The following MMP16 variants were observed in gnomAD, a reference collection of about 807,000 sequenced individuals.
MMP16 encodes the protein matrix metalloproteinase-16.
A neutral mutation model predicts 67.8 loss-of-function variants in MMP16; 12 were observed. The observed-to-expected ratio is 0.18, with a 90% CI of 0.11 to 0.29. The LOEUF is 0.29. MMP16 is among the 10% of genes least tolerant of loss of function. The pLI is 1.00. For synonymous variants in MMP16, 249 were observed against 255.9 expected (o/e 0.97, Z 0.26); for missense variants, 475 against 765.7 (o/e 0.62, Z 4.48).
chr8:88,168,035 TGATC>T, intron 3 of MMP16, 62 bp from the exon 4 acceptor site: 1 of 1,302,188 alleles, frequency 7.7e-7, no homozygotes, highest in Non-Finnish European at 1.1e-6. Flanking sequence ...GTACAGGTTT[TGATC>T]GATTCAGTTA....
chr8:88,071,201 G>A (rs1808547686), intron 7 of MMP16, among the ~76,000 whole-genome samples: 1 of 151,846 alleles, frequency 6.6e-6, no homozygotes, highest in Non-Finnish European at 1.5e-5. Flanking sequence ...ATTTATAAAA[G>A]TTTGAATAAA....
rs115813139 is a variant in MMP16 at position 88,163,892 on chromosome 8, A to G, written c.709+3777T>C. Among the ~76,000 whole-genome samples, 570 of 152,254 alleles carry G rather than the reference A, an allele frequency of 3.7e-3. 6 individuals carry two copies. Among genetic ancestry groups the G allele is most frequent in the African/African-American group, 0.012 (499 of 41,572 alleles). ...AACTGTTTTGCTGATTCATTCCACA[A>G]AAATAAAAACTCTTAAAAAAGGCAT... On this transcript the variant is annotated intron_variant, in intron 4 of 9. Transcript: ENST00000286614.
rs115384159 is a variant in MMP16 at position 88,148,474 on chromosome 8, T to G, written c.709+19195A>C. On this transcript the variant is annotated intron_variant, in intron 4 of 9. Coordinates refer to ENST00000286614, the MANE Select transcript of MMP16 (RefSeq NM_005941.5). ...GTATGTTTCCTCTAGAGGATACATA[T>G]TTGCTTATGCAGGGAGCTGTGTATG... Among the ~76,000 whole-genome samples, 1,050 of 152,278 alleles carry G rather than the reference T, an allele frequency of 6.9e-3. 5 individuals are homozygous for G. The highest frequency in any genetic ancestry group is 0.023 in the African/African-American group (957 of 41,572).
At chr8:88,124,697 T>G (rs1454648841) in intron 4 of MMP16, among the ~76,000 whole-genome samples, 1 of 151,934 alleles carries the variant, frequency 6.6e-6, no homozygotes, top group Non-Finnish European at 1.5e-5. Context: ...ATTTTAAAAC[T>G]TAGGAAGTGT....
At chr8:88,150,799 A>C (rs1808391962) in intron 4 of MMP16, among the ~76,000 whole-genome samples, 1 of 151,540 alleles carries the variant, frequency 6.6e-6, no homozygotes, top group Non-Finnish European at 1.5e-5. Context: ...AAGAAACTGC[A>C]TCAACTAACG....
intron 1 of MMP16, among the ~76,000 whole-genome samples, chr8:88,198,141 A>G (rs778020303): frequency 2.6e-5 from 4 of 152,212 alleles, no homozygotes; most frequent in Non-Finnish European, 5.9e-5. Context: ...GTTAAATTTT[A>G]AAAGTTAATA....
intron 3 of MMP16, among the ~76,000 whole-genome samples, chr8:88,170,913 G>A (rs1455744750): frequency 6.6e-6 from 1 of 152,194 alleles, no homozygotes; most frequent in Non-Finnish European, 1.5e-5. Context: ...AGAAGATAGA[G>A]ACTAGGACTT....
chr8:88,319,186 T>C (rs1041419497), intron 1 of MMP16, among the ~76,000 whole-genome samples: 1 of 152,166 alleles, frequency 6.6e-6, no homozygotes, highest in Non-Finnish European at 1.5e-5. Flanking sequence ...GTAGCACTAC[T>C]GTAATACAAG....
At chr8:88,243,057 A>C (rs1810057099) in intron 1 of MMP16, among the ~76,000 whole-genome samples, 1 of 152,192 alleles carries the variant, frequency 6.6e-6, no homozygotes, top group Admixed American at 6.5e-5. Context: ...ATATACTTGC[A>C]AGAATGTTTT....
At chr8:88,311,467 T>C (rs1015845155) in intron 1 of MMP16, among the ~76,000 whole-genome samples, 2 of 152,174 alleles carry the variant, frequency 1.3e-5, no homozygotes, top group East Asian at 1.9e-4. Flanking sequence ...CATAAGGAGA[T>C]AGGAGATATG....
At chr8:88,120,291 T>C (rs1210877984) in intron 4 of MMP16, among the ~76,000 whole-genome samples, 2 of 151,962 alleles carry the variant, frequency 1.3e-5, no homozygotes, top group Non-Finnish European at 2.9e-5. Context: ...GGATTGTGCC[T>C]TAGGGGGCAC....
intron 4 of MMP16, among the ~76,000 whole-genome samples, chr8:88,136,883 C>A (rs1028612444): frequency 6.6e-6 from 1 of 151,666 alleles, no homozygotes; most frequent in Non-Finnish European, 1.5e-5. Context: ...CACTCCCCAC[C>A]CCCTACTAAA....
intron 4 of MMP16, among the ~76,000 whole-genome samples, chr8:88,166,273 C>T (rs1184645632): frequency 2.0e-5 from 3 of 151,912 alleles, no homozygotes; most frequent in African/African-American, 7.2e-5. Flanking sequence ...AAGAAATGTA[C>T]ACTTATAGTT....
In MMP16 at chr8:88,179,920, A is replaced by C. The variant is rs544908797; in HGVS notation, c.404+6556T>G. 3.2e-3 allele frequency among the ~76,000 whole-genome samples: 486 copies of C among 152,310 alleles called. 3 individuals carry two copies. Among genetic ancestry groups the C allele is most frequent in the African/African-American group, 0.011 (463 of 41,562 alleles). ...GGGAAGACAAAAACAAGTACAAAAA[A>C]CCAATAACAACAGCAAATAGTTATA... On this transcript the variant is annotated intron_variant, in intron 3 of 9. Transcript: ENST00000286614.
At chr8:88,078,533 A>T (rs143354971) in intron 6 of MMP16, among the ~76,000 whole-genome samples, 1 of 152,178 alleles carries the variant, frequency 6.6e-6, no homozygotes, top group Non-Finnish European at 1.5e-5. Context: ...ATCTACTATC[A>T]GTAGAAATTG....
intron 1 of MMP16, among the ~76,000 whole-genome samples, chr8:88,210,946 A>G (rs1275558888): frequency 1.3e-5 from 2 of 152,174 alleles, no homozygotes; most frequent in African/African-American, 4.8e-5. Flanking sequence ...CAACAAGCCT[A>G]TGAGATTGGT....
At chr8:88,227,975 G>T (rs889774931) in intron 1 of MMP16, among the ~76,000 whole-genome samples, 2 of 151,962 alleles carry the variant, frequency 1.3e-5, no homozygotes, top group African/African-American at 4.8e-5. Flanking sequence ...TTAGGAATTG[G>T]CAATGACTAT....
At chr8:88,311,010 C>T (rs1267463326) in intron 1 of MMP16, among the ~76,000 whole-genome samples, 4 of 151,820 alleles carry the variant, frequency 2.6e-5, no homozygotes, top group Non-Finnish European at 5.9e-5. Context: ...ATACAGATGC[C>T]GCTATCTGCC....
chr8:88,093,752 G>A (rs889128669), intron 6 of MMP16, among the ~76,000 whole-genome samples: 1 of 151,808 alleles, frequency 6.6e-6, no homozygotes, highest in African/African-American at 2.4e-5. Flanking sequence ...ACTTAGGTAG[G>A]TGAATTACAA....
Sources: gnomAD v4.1 joint callset for allele counts (sites outside exome capture counted in the v4.1 genomes callset) on GRCh38, gnomAD v4.1.1 for gene constraint, MANE v1.5 for transcripts, NCBI Gene and HGNC (gene_info 2026-07-23, HGNC 2026-07-21) for gene names.